Variants in ANXA13 observed in about 807,000 individuals in gnomAD.
ANXA13 encodes annexin XIII.
ANXA13 carries 36 observed loss-of-function variants against 46.6 expected under a neutral mutation model. The ratio of observed to expected loss-of-function variants is 0.77; its 90% CI spans 0.59 to 1.02. ANXA13 has a LOEUF of 1.02. ANXA13 is among the 50% of genes least tolerant of loss of function. The pLI is 0.00. For synonymous variants in ANXA13, 163 were observed against 152.9 expected (o/e 1.07, Z -0.49); for missense variants, 417 against 396.5 (o/e 1.05, Z -0.44).
chr8:123,722,366 G>GAAAGAA (rs766478603), intron 1 of ANXA13, among the ~76,000 whole-genome samples: 15 of 93,046 alleles, frequency 1.6e-4, no homozygotes, highest in Non-Finnish European at 3.5e-4. Flanking sequence ...AAGAAAGAAA[G>GAAAGAA]AAAGAAAGAA....
At chr8:123,687,038 T>A (rs563932238) in intron 9 of ANXA13, among the ~76,000 whole-genome samples, 37 of 152,300 alleles carry the variant, frequency 2.4e-4, no homozygotes, top group African/African-American at 8.7e-4. Context: ...TTTATCTTTA[T>A]CTTTAGCCTT....
chr8:123,725,622 G>T (rs1327739001), intron 1 of ANXA13, among the ~76,000 whole-genome samples: 1 of 152,168 alleles, frequency 6.6e-6, no homozygotes, highest in Non-Finnish European at 1.5e-5. Flanking sequence ...TGAATCTTGG[G>T]TGATTAGTGA....
In ANXA13 at chr8:123,701,917, C is replaced by T. The variant is rs181251303; in HGVS notation, c.186+725G>A. ...TTTCTATCCATGAAAAGACCAAGGC[C>T]TGAAGCAATTGTTACCTGCTCAGTA... On this transcript the variant is annotated intron_variant, in intron 3 of 10. Coordinates refer to ENST00000419625, the MANE Select transcript of ANXA13 (RefSeq NM_004306.4). Among the ~76,000 whole-genome samples, 731 of 152,294 alleles carry T rather than the reference C, an allele frequency of 4.8e-3. 8 individuals carry two copies. The highest frequency in any genetic ancestry group is 0.017 in the African/African-American group (694 of 41,546).
intron 10 of ANXA13, among the ~76,000 whole-genome samples, chr8:123,683,452 G>A (rs1389098353): frequency 8.7e-6 from 1 of 114,652 alleles, no homozygotes; most frequent in Non-Finnish European, 1.7e-5. Flanking sequence ...GAGGGAAGAT[G>A]TCTGTGGTTT....
At chr8:123,732,510 C>T (rs1814138528) in intron 1 of ANXA13, among the ~76,000 whole-genome samples, 1 of 152,154 alleles carries the variant, frequency 6.6e-6, no homozygotes, top group African/African-American at 2.4e-5. Flanking sequence ...GAGGTGGGCT[C>T]ACGCTGCTGG....
intron 1 of ANXA13, chr8:123,735,825 GA>G: frequency 6.2e-7 from 1 of 1,612,582 alleles, no homozygotes; most frequent in Non-Finnish European, 8.5e-7. Flanking sequence ...CGAGGGTTGG[GA>G]GTCCCCTTTA....
rs149194860 is a variant in ANXA13, at chr8:123,694,378, G to A, written c.472-599C>T. Among the ~76,000 whole-genome samples the A allele has an allele frequency of 2.2e-3, 342 of 152,254 alleles. 2 individuals are homozygous for A. The highest frequency in any genetic ancestry group is 7.9e-3 in the African/African-American group (328 of 41,540). ...ACCAAAAGGGAGATTATCCTTGGCC[G>A]GCCTGACCCAGATGAATGAGCTCTT... On this transcript the variant is annotated intron_variant, in intron 6 of 10. Transcript: ENST00000419625.
At chr8:123,720,210 G>T (rs1044760885) in intron 1 of ANXA13, among the ~76,000 whole-genome samples, 1 of 152,198 alleles carries the variant, frequency 6.6e-6, no homozygotes, top group African/African-American at 2.4e-5. Flanking sequence ...GGAGCAGAGG[G>T]CAGAGGGCTA....
chr8:123,717,458 C>A (rs900098105), intron 1 of ANXA13, among the ~76,000 whole-genome samples: 1 of 152,202 alleles, frequency 6.6e-6, no homozygotes, highest in Non-Finnish European at 1.5e-5. Context: ...TATGAAGATA[C>A]ATACACAAAC....
intron 1 of ANXA13, chr8:123,728,776 G>T (rs1344197741): frequency 1.3e-5 from 2 of 152,032 alleles, no homozygotes; most frequent in Admixed American, 6.6e-5. Flanking sequence ...CTTTCCCTTG[G>T]TAGAAGAGTT....
chr8:123,728,630 A>G (rs1814048925), intron 1 of ANXA13: 2 of 152,184 alleles, frequency 1.3e-5, no homozygotes, highest in South Asian at 2.1e-4. Context: ...CATGGCATCA[A>G]ATGTGCTGTG....
intron 6 of ANXA13, among the ~76,000 whole-genome samples, chr8:123,694,082 G>A (rs1310795692): frequency 6.6e-6 from 1 of 151,764 alleles, no homozygotes; most frequent in Non-Finnish European, 1.5e-5. Context: ...CCTAGAATGA[G>A]TCCCCTCTTC....
At chr8:123,736,828 G>A (rs550279881) in intron 1 of ANXA13, among the ~76,000 whole-genome samples, 1 of 146,146 alleles carries the variant, frequency 6.8e-6, no homozygotes, top group South Asian at 2.2e-4. Context: ...GCCAATAAGG[G>A]AATAATATAT....
chr8:123,721,769 A>G (rs1168722344), intron 1 of ANXA13, among the ~76,000 whole-genome samples: 1 of 152,204 alleles, frequency 6.6e-6, no homozygotes, highest in Non-Finnish European at 1.5e-5. Flanking sequence ...AGAGCACTTC[A>G]TATGTGCCGG....
At chr8:123,681,623 T>C (rs955033614) in intron 10 of ANXA13, among the ~76,000 whole-genome samples, 13 of 148,382 alleles carry the variant, frequency 8.8e-5, no homozygotes, top group East Asian at 3.9e-4. Flanking sequence ...GAATTTCTTT[T>C]TTTTTTTTTT....
chr8:123,682,860 C>T (rs561467260), intron 10 of ANXA13, among the ~76,000 whole-genome samples: 11 of 152,112 alleles, frequency 7.2e-5, no homozygotes, highest in East Asian at 1.9e-4. Context: ...TGGCCCAGGA[C>T]GTGTGGTTGA....
chr8:123,731,001 T>A (rs1019884745), intron 1 of ANXA13, among the ~76,000 whole-genome samples: 1 of 152,130 alleles, frequency 6.6e-6, no homozygotes, highest in African/African-American at 2.4e-5. Flanking sequence ...GAGTTCCCCA[T>A]AGTCAATGCT....
At chr8:123,684,992 A>T (rs1205213624) in intron 9 of ANXA13, among the ~76,000 whole-genome samples, 1 of 152,248 alleles carries the variant, frequency 6.6e-6, no homozygotes, top group Non-Finnish European at 1.5e-5. Flanking sequence ...GGCCACGTCC[A>T]TGATTCTCGT....
At chr8:123,732,655 C>T (rs1814142796) in intron 1 of ANXA13, among the ~76,000 whole-genome samples, 1 of 151,356 alleles carries the variant, frequency 6.6e-6, no homozygotes. Flanking sequence ...TTACCACCTC[C>T]TTACAATGGC....
Sources: allele counts gnomAD v4.1 joint callset (sites outside exome capture counted in the v4.1 genomes callset), GRCh38; gene constraint gnomAD v4.1.1; transcripts MANE v1.5; gene names NCBI Gene and HGNC (gene_info 2026-07-23, HGNC 2026-07-21).